The following SHB variants were observed in gnomAD, a reference collection of about 807,000 sequenced individuals.
SHB encodes SH2 domain-containing adapter protein B.
SHB carries 20 observed loss-of-function variants against 52.3 expected under a neutral mutation model. That is an observed-to-expected ratio of 0.38 (90% CI 0.27 to 0.56). The LOEUF is 0.56. Among genes scored for constraint, SHB ranks in the 20% least tolerant of loss-of-function variants. The probability of loss-of-function intolerance (pLI) is 0.71; values close to 1 mark genes in which losing one functional copy is unlikely to be tolerated. For synonymous variants in SHB, 397 were observed against 316.5 expected, an observed-to-expected ratio of 1.25 and a Z score of -2.70; for missense variants, 825 against 723.3, an observed-to-expected ratio of 1.14 and a Z score of -1.61.
At position 37,917,681 on chromosome 9, in the gene SHB, T is replaced by C. The variant is rs530475475; in HGVS notation, c.*2140A>G. On this transcript the variant is annotated 3_prime_UTR_variant, in exon 6 of 6. Transcript: ENST00000377707. ...CTCATCTTGTCATTTCCCACCTACC[T>C]TCCCACTCCCCCAAAGGAAAGCACG... Among the ~76,000 whole-genome samples the C allele has an allele frequency of 1.3e-5, 2 of 152,222 alleles. No homozygotes were observed. Among genetic ancestry groups the C allele is most frequent in the Non-Finnish European group, 2.9e-5 (2 of 68,032 alleles).
chr9:37,955,150 T>C (rs1295518609), intron 4 of SHB, among the ~76,000 whole-genome samples: 3 of 152,156 alleles, frequency 2.0e-5, no homozygotes, highest in Admixed American at 6.5e-5. Context: ...GTTTTACACT[T>C]AGGGGAAAGG....
intron 5 of SHB, among the ~76,000 whole-genome samples, chr9:37,933,987 T>C (rs760371047): frequency 2.4e-4 from 36 of 152,364 alleles, no homozygotes; most frequent in Non-Finnish European, 4.1e-4. Context: ...TTTCCCATCC[T>C]GGTCGCTTCT....
chr9:38,030,965 G>A (rs1821404972), intron 1 of SHB, among the ~76,000 whole-genome samples: 2 of 152,026 alleles, frequency 1.3e-5, no homozygotes, highest in Admixed American at 1.3e-4. Context: ...AAAAAAAAAG[G>A]GGGGAAAGAC....
intron 2 of SHB, among the ~76,000 whole-genome samples, chr9:37,998,744 T>C (rs1820979510): frequency 1.3e-5 from 2 of 152,254 alleles, no homozygotes; most frequent in Admixed American, 1.3e-4. Flanking sequence ...TGAGCTGCCC[T>C]GCCTGTCCTC....
intron 1 of SHB, among the ~76,000 whole-genome samples, chr9:38,047,443 C>T (rs1255675674): frequency 6.6e-6 from 1 of 152,218 alleles, no homozygotes; most frequent in Non-Finnish European, 1.5e-5. Context: ...CTGGAGACTG[C>T]AAGGCTTCAC....
At chr9:38,025,055 C>T (rs1293466144) in intron 1 of SHB, among the ~76,000 whole-genome samples, 1 of 152,198 alleles carries the variant, frequency 6.6e-6, no homozygotes, top group East Asian at 1.9e-4. Context: ...TTTCCAAACT[C>T]CCAGGTCCAC....
chr9:38,067,870 G>C (rs1342029776), intron 1 of SHB, 59 bp downstream of exon 1: 3 of 1,400,940 alleles, frequency 2.1e-6, no homozygotes, highest in Admixed American at 3.2e-5. Context: ...CGGGTGCCTC[G>C]GTTTCCCCGT....
intron 5 of SHB, among the ~76,000 whole-genome samples, chr9:37,924,448 T>C (rs547946952): frequency 6.6e-6 from 1 of 152,296 alleles, no homozygotes; most frequent in African/African-American, 2.4e-5. Context: ...CATGATGAAA[T>C]GACTTAAAAA....
intron 2 of SHB, among the ~76,000 whole-genome samples, chr9:37,986,693 T>C (rs1820810896): frequency 6.6e-6 from 1 of 152,164 alleles, no homozygotes; most frequent in South Asian, 2.1e-4. Flanking sequence ...GATGTGGAAA[T>C]GCTGGCATAT....
chr9:38,037,486 G>A (rs555578169), intron 1 of SHB, among the ~76,000 whole-genome samples: 1 of 152,230 alleles, frequency 6.6e-6, no homozygotes, highest in Admixed American at 6.5e-5. Context: ...CCAATGCTCG[G>A]CACATGAGAA....
At chr9:37,999,766 T>C (rs1054577078) in intron 2 of SHB, among the ~76,000 whole-genome samples, 24 of 152,304 alleles carry the variant, frequency 1.6e-4, no homozygotes, top group African/African-American at 5.1e-4. Context: ...CAGGACAGGT[T>C]AGCACTAAAG....
chr9:37,942,809 G>C (rs1832449432), intron 5 of SHB, among the ~76,000 whole-genome samples: 1 of 152,096 alleles, frequency 6.6e-6, no homozygotes, highest in Non-Finnish European at 1.5e-5. Context: ...GCCTGCCCAC[G>C]TGCTGTTCGC....
At chr9:37,971,377 G>A (rs1820588540) in intron 3 of SHB, among the ~76,000 whole-genome samples, 1 of 152,294 alleles carries the variant, frequency 6.6e-6, no homozygotes. Flanking sequence ...CTCACCACTT[G>A]AGAGGTGGCC....
chr9:37,943,821 C>T (rs1385331258), intron 5 of SHB, among the ~76,000 whole-genome samples: 2 of 152,210 alleles, frequency 1.3e-5, no homozygotes, highest in East Asian at 1.9e-4. Context: ...GAAGTCCTTC[C>T]CTCATCTTGT....
chr9:37,920,772 C>T (rs774907716), intron 5 of SHB, among the ~76,000 whole-genome samples: 1 of 152,242 alleles, frequency 6.6e-6, no homozygotes, highest in Non-Finnish European at 1.5e-5. Flanking sequence ...CCTTCCTGAA[C>T]TGTAGGTACT....
intron 5 of SHB, among the ~76,000 whole-genome samples, chr9:37,934,133 T>C (rs1016035993): frequency 3.9e-5 from 6 of 152,228 alleles, no homozygotes; most frequent in Admixed American, 6.5e-5. Flanking sequence ...CAGACACTCC[T>C]GAGCTTCGGT....
chr9:37,996,023 A>G (rs1820942996), intron 2 of SHB, among the ~76,000 whole-genome samples: 1 of 152,224 alleles, frequency 6.6e-6, no homozygotes, highest in African/African-American at 2.4e-5. Flanking sequence ...GAAAGCTCCC[A>G]CTGTTTAAAA....
chr9:38,058,115 C>T (rs1447738769), intron 1 of SHB, among the ~76,000 whole-genome samples: 3 of 152,244 alleles, frequency 2.0e-5, no homozygotes, highest in African/African-American at 7.2e-5. Flanking sequence ...CCTGACTGCA[C>T]ACAGCAGAGT....
chr9:38,011,151 G>C (rs1000120817), intron 2 of SHB, among the ~76,000 whole-genome samples: 1 of 152,162 alleles, frequency 6.6e-6, no homozygotes, highest in African/African-American at 2.4e-5. Context: ...TGCATCCGGG[G>C]ACCTTAAGCC....
Sources: allele counts gnomAD v4.1 joint callset (sites outside exome capture counted in the v4.1 genomes callset), GRCh38; gene constraint gnomAD v4.1.1; transcripts MANE v1.5; gene names NCBI Gene and HGNC (gene_info 2026-07-23, HGNC 2026-07-21).